SERPINB7: variants seen among roughly 807,000 people sequenced by gnomAD.
The protein encoded by SERPINB7 is serpin family B member 7, also known as serpin B7.
A neutral mutation model predicts 37.4 loss-of-function variants in SERPINB7; 31 were observed. That is an observed-to-expected ratio of 0.83 (90% CI 0.62 to 1.12). The LOEUF is 1.12. Ranked by LOEUF, SERPINB7 falls within the 50% of genes most tolerant of loss-of-function variation. SERPINB7 has a pLI of 0.00. For missense variants in SERPINB7, 521 were observed against 455.3 expected, an observed-to-expected ratio of 1.14 and a Z score of -1.31; for synonymous variants, 163 against 166.1, an observed-to-expected ratio of 0.98 and a Z score of 0.14.
chr18:63,780,702 T>C (rs1427704766), intron 1 of SERPINB7, among the ~76,000 whole-genome samples: 2 of 152,312 alleles, frequency 1.3e-5, no homozygotes, highest in East Asian at 3.9e-4. Flanking sequence ...ATGTGGGGTG[T>C]GAATGATTTT....
upstream of SERPINB7, among the ~76,000 whole-genome samples, chr18:63,772,223 A>C (rs1483853389): frequency 6.6e-6 from 1 of 151,956 alleles, no homozygotes; most frequent in Non-Finnish European, 1.5e-5. Context: ...AGTTTCCTTT[A>C]GCTTACTATC....
At position 63,777,879 on chromosome 18, in the gene SERPINB7, G is replaced by GACACACATACAC. The variant is rs1354060206; in HGVS notation, c.-19+2170_-19+2171insTACACACACACA. Reference sequence around the variant, plus strand: ...AGTCTGGCCAGATCCTTTGAAAAAAGACACACACACACACACACACACACA... The same window carrying GACACACATACAC: ...AGTCTGGCCAGATCCTTTGAAAAAAGACACACATACACACACACACACACACACACACACACA... On this transcript the variant is annotated intron_variant, in intron 1 of 7. Transcript: ENST00000398019. 2.7e-3 allele frequency: 350 copies of GACACACATACAC among 131,280 alleles called. 3 individuals carry two copies. The highest frequency in any genetic ancestry group is 9.7e-3 in the African/African-American group (339 of 34,778). 8.1% of individuals were successfully genotyped at this position (131,280 alleles called of 1,614,324 possible). A position where few individuals can be genotyped will look rare whatever the true frequency, so the allele number is the denominator to read the frequency against.
At chr18:63,765,787 T>G (rs994608182) in intron 1 of SERPINB7, among the ~76,000 whole-genome samples, 7 of 152,194 alleles carry the variant, frequency 4.6e-5, no homozygotes, top group African/African-American at 1.7e-4. Flanking sequence ...ATTATTCTCT[T>G]TCTAGAAACC....
rs1055902 is a variant in SERPINB7 at position 63,805,309 on chromosome 18, C to T, written c.*674C>T. ...GCAGTTGTTATCTACAGAATCATAT[C>T]TCATATGCTGTGTAGTTTATAAGTT... On this transcript the variant is annotated 3_prime_UTR_variant, in exon 8 of 8. Coordinates refer to ENST00000398019, the MANE Select transcript of SERPINB7 (RefSeq NM_003784.4). 90,110 of 152,020 alleles carry T rather than the reference C, an allele frequency of 0.59. 27,667 individuals are homozygous for T. Among genetic ancestry groups the T allele is most frequent in the African/African-American group, 0.74 (30,639 of 41,468 alleles). The allele number at this position is 152,020 out of a possible 1,614,324, so 9.4% of individuals were successfully genotyped here.
Position 63,782,502 on chromosome 18 carries a change from T to C in SERPINB7, c.130T>C (p.Leu44=), listed in dbSNP as rs200310628. 1.2e-5 allele frequency: 19 copies of C among 1,613,814 alleles called. No individual in the cohort carries two copies. The highest frequency in any genetic ancestry group is 1.7e-4 in the Middle Eastern group (1 of 6,054). ...SLFAALALVR[L]GAQDDSLSQI... ...CTTCGCTGCCCTGGCCCTGGTCCGC[T>C]TGGGCGCTCAAGATGACTCCCTCTC... is the stretch of plus-strand genomic sequence containing the variant. The change falls in exon 2 of 8, where the codon TTG becomes CTG. Residue 44 remains leucine (L), a synonymous_variant. Transcript: ENST00000398019.
chr18:63,788,766 A>T (rs555415146), intron 2 of SERPINB7, among the ~76,000 whole-genome samples: 1 of 152,318 alleles, frequency 6.6e-6, no homozygotes, highest in African/African-American at 2.4e-5. Flanking sequence ...TTCTATTCTT[A>T]GATGTATTTA....
At chr18:63,779,093 T>C (rs1445174761) in intron 1 of SERPINB7, among the ~76,000 whole-genome samples, 1 of 152,178 alleles carries the variant, frequency 6.6e-6, no homozygotes, top group Non-Finnish European at 1.5e-5. Context: ...CTTCTTTAGG[T>C]AGCTTTAATG....
At chr18:63,764,210 A>G (rs1598990461) in intron 1 of SERPINB7, among the ~76,000 whole-genome samples, 1 of 152,220 alleles carries the variant, frequency 6.6e-6, no homozygotes, top group Non-Finnish European at 1.5e-5. Flanking sequence ...GGTTCCCAAT[A>G]TCTTGGGTAG....
In SERPINB7 at chr18:63,798,662, G is replaced by A. The variant is rs1277271741; in HGVS notation, c.513G>A (p.Leu171=). Residue 171 remains leucine (L), a synonymous_variant, in exon 6 of 8, where the codon CTG becomes CTA. Coordinates refer to ENST00000398019, the MANE Select transcript of SERPINB7 (RefSeq NM_003784.4). ...GGISSSAVMV[L]VNAVYFKGKW... Reference sequence around the variant, plus strand: ...TAAGCTCATCTGCTGTAATGGTGCTGGTGAATGCTGTGTACTTCAAAGGCA... The same window carrying A: ...TAAGCTCATCTGCTGTAATGGTGCTAGTGAATGCTGTGTACTTCAAAGGCA... The A allele has an allele frequency of 6.2e-6, 10 of 1,611,306 alleles. No homozygotes were observed. Among genetic ancestry groups the A allele is most frequent in the Non-Finnish European group, 8.5e-6 (10 of 1,178,870 alleles).
intron 4 of SERPINB7, among the ~76,000 whole-genome samples, chr18:63,794,674 A>G (rs1426178499): frequency 6.6e-6 from 1 of 152,140 alleles, no homozygotes; most frequent in Non-Finnish European, 1.5e-5. Flanking sequence ...TGGGCGAAAG[A>G]GCGAGACTCT....
upstream of SERPINB7, among the ~76,000 whole-genome samples, chr18:63,772,330 A>G (rs2049216271): frequency 6.6e-6 from 1 of 152,082 alleles, no homozygotes; most frequent in Non-Finnish European, 1.5e-5. Context: ...GGATTTAAGC[A>G]TCACTCTGCA....
intron 1 of SERPINB7, among the ~76,000 whole-genome samples, chr18:63,769,359 A>G (rs2049197600): frequency 6.6e-6 from 1 of 151,842 alleles, no homozygotes; most frequent in Non-Finnish European, 1.5e-5. Context: ...CTATTTTCCC[A>G]CTTATTATAA....
chr18:63,802,409 T>C (rs1180281807), intron 7 of SERPINB7, among the ~76,000 whole-genome samples: 1 of 152,122 alleles, frequency 6.6e-6, no homozygotes, highest in Non-Finnish European at 1.5e-5. Context: ...CTCTATTCTC[T>C]CATTAAAAAG....
intron 1 of SERPINB7, among the ~76,000 whole-genome samples, chr18:63,760,773 C>T (rs544109732): frequency 1.7e-4 from 26 of 152,336 alleles, no homozygotes; most frequent in African/African-American, 6.3e-4. Context: ...TGGCAGCTTC[C>T]ATGTGGTGTT....
rs201532610 is a variant in SERPINB7, at chr18:63,782,407, G to A, written c.35G>A (p.Cys12Tyr). 6.2e-7 allele frequency: 1 copy of A among 1,613,782 alleles called. No individual in the cohort carries two copies. Among genetic ancestry groups the A allele is most frequent in the South Asian group, 1.1e-5 (1 of 91,022 alleles). The change falls in exon 2 of 8, where the codon TGC becomes TAC. Residue 12 changes from cysteine (C) to tyrosine (Y), a missense_variant. Cys to Tyr is a radical substitution (Grantham distance 194, BLOSUM62 -2). Transcript: ENST00000398019. ...ASLAAANAEF[C>Y]FNLFREMDDN... Reference sequence around the variant, plus strand: ...CTTGCTGCAGCAAATGCAGAGTTTTGCTTCAACCTGTTCAGAGAGATGGAT... The same window carrying A: ...CTTGCTGCAGCAAATGCAGAGTTTTACTTCAACCTGTTCAGAGAGATGGAT...
intron 1 of SERPINB7, among the ~76,000 whole-genome samples, chr18:63,763,361 A>G (rs1436442380): frequency 1.3e-5 from 2 of 152,202 alleles, no homozygotes; most frequent in Non-Finnish European, 2.9e-5. Context: ...CTGTTCTTAG[A>G]ATTTCTGCTG....
At chr18:63,759,611 C>T (rs954200517) in intron 1 of SERPINB7, among the ~76,000 whole-genome samples, 1 of 152,140 alleles carries the variant, frequency 6.6e-6, no homozygotes. Flanking sequence ...TCTCCTACCC[C>T]TGAAGTGGGG....
intron 1 of SERPINB7, 70 bp from the exon 2 acceptor site, chr18:63,782,285 A>T (rs1035083239): frequency 1.0e-6 from 1 of 970,246 alleles, no homozygotes; most frequent in African/African-American, 1.7e-5. Context: ...TAAAAAATAA[A>T]TAAATCTAAA....
chr18:63,798,730 A>G lies in SERPINB7; in HGVS notation c.581A>G (p.His194Arg). The change falls in exon 6 of 8, where the codon CAT (histidine) becomes CGT (arginine). Residue 194 changes from histidine (H) to arginine (R), a missense_variant. Coordinates refer to ENST00000398019, the MANE Select transcript of SERPINB7 (RefSeq NM_003784.4). ...AFTKSETINC[H>R]FKSPKCSGKA... ...ACCAAGAGCGAAACCATAAATTGCC[A>G]TTTCAAATCTCCCAAGGTATGTCGT... 1 of 1,612,640 alleles carries G rather than the reference A, an allele frequency of 6.2e-7. No homozygotes were observed.
Sources: gnomAD v4.1 joint callset for allele counts (sites outside exome capture counted in the v4.1 genomes callset) on GRCh38, gnomAD v4.1.1 for gene constraint, MANE v1.5 for transcripts, NCBI Gene and HGNC (gene_info 2026-07-23, HGNC 2026-07-21) for gene names.